Variants in PGAP1 observed in about 807,000 individuals in gnomAD.
PGAP1 encodes the protein GPI inositol-deacylase.
A neutral mutation model predicts 127.0 loss-of-function variants in PGAP1; 76 were observed. That is an observed-to-expected ratio of 0.60 (90% CI 0.50 to 0.72). The LOEUF is 0.72. Ranked by LOEUF, PGAP1 falls within the 30% of genes least tolerant of loss-of-function variation. The pLI, the probability that PGAP1 is intolerant of heterozygous loss-of-function variation, is 0.00. For synonymous variants in PGAP1, 362 were observed against 366.5 expected, an observed-to-expected ratio of 0.99 and a Z score of 0.14; for missense variants, 982 against 1,071.3, an observed-to-expected ratio of 0.92 and a Z score of 1.16.
chr2:196,912,580 T>TAAA lies in PGAP1; in HGVS notation c.649+299_649+301dup, dbSNP rs531959600. On this transcript the variant is annotated intron_variant, in intron 4 of 26. Coordinates refer to ENST00000354764, the MANE Select transcript of PGAP1 (RefSeq NM_024989.4). ...GGGAGAAAGAGCAAGACCCTGTCTTTAAAAAAAAAAAAAAAAAAAAAAAAA... is the reference window on the plus strand; with the variant it reads ...GGGAGAAAGAGCAAGACCCTGTCTTTAAAAAAAAAAAAAAAAAAAAAAAAAAAA... Among the ~76,000 whole-genome samples, 569 of 82,424 alleles carry TAAA rather than the reference T, an allele frequency of 6.9e-3. 11 individuals are homozygous for TAAA. The highest frequency in any genetic ancestry group is 0.023 in the African/African-American group (529 of 22,530). 54.1% of individuals were successfully genotyped at this position (82,424 alleles called of 152,430 possible).
At position 196,912,930 on chromosome 2, in the gene PGAP1, C is replaced by T; in HGVS notation, c.601G>A (p.Ala201Thr). The change falls in exon 4 of 27, where the codon GCC becomes ACC. Residue 201 changes from alanine to threonine, a missense_variant. Ala to Thr is a moderately conservative substitution (Grantham distance 58, BLOSUM62 0). Transcript: ENST00000354764. ...HDLINLLITQ[A>T]TPHVAPVMPL... ...ATCACAGGAGCAACATGAGGTGTGG[C>T]TTGTGTAATAAGAAGATTTATCAGA... The T allele has an allele frequency of 6.2e-7, 1 of 1,613,560 alleles. No homozygotes were observed. The highest frequency in any genetic ancestry group is 8.5e-7 in the Non-Finnish European group (1 of 1,179,816).
intron 20 of PGAP1, among the ~76,000 whole-genome samples, chr2:196,854,025 G>A (rs1199292444): frequency 6.6e-6 from 1 of 150,968 alleles, no homozygotes; most frequent in African/African-American, 2.4e-5. Flanking sequence ...CAAGTGGCTG[G>A]GACTACAGGT....
chr2:196,914,315 G>T (rs1702929932), intron 3 of PGAP1, among the ~76,000 whole-genome samples: 1 of 151,866 alleles, frequency 6.6e-6, no homozygotes, highest in Non-Finnish European at 1.5e-5. Flanking sequence ...TTTCTTTACA[G>T]CAAAACTCTA....
intron 23 of PGAP1, 105 bp downstream of exon 23, chr2:196,845,777 A>T: frequency 2.4e-6 from 2 of 833,534 alleles, no homozygotes; most frequent in Non-Finnish European, 3.5e-6. Flanking sequence ...ACAGAGGGTT[A>T]CTACAGTGTT....
At chr2:196,841,417 T>C (rs369328050) in intron 26 of PGAP1, 45 bp from the exon 27 acceptor site, 1 of 1,442,650 alleles carries the variant, frequency 6.9e-7, no homozygotes, top group Non-Finnish European at 9.5e-7. Flanking sequence ...TGAACTACAT[T>C]GTGAGCCAAA....
intron 20 of PGAP1, among the ~76,000 whole-genome samples, chr2:196,860,268 A>T (rs1232083903): frequency 6.6e-6 from 1 of 152,236 alleles, no homozygotes; most frequent in Non-Finnish European, 1.5e-5. Context: ...GCAGTGGCTC[A>T]TGCCTGTAAT....
rs577609141 is a variant in PGAP1, at chr2:196,904,328, G to A, written c.650-1586C>T. 5.3e-5 allele frequency among the ~76,000 whole-genome samples: 8 copies of A among 152,256 alleles called. No homozygotes were observed. In the South Asian group the frequency reaches 6.2e-4, roughly 12 times the overall value. On this transcript the variant is annotated intron_variant, in intron 4 of 26. Coordinates refer to ENST00000354764, the MANE Select transcript of PGAP1 (RefSeq NM_024989.4). ...AAGCTCTGTCTGTACTTTCAGCAGC[G>A]CTATGCTTGGCCACAACTCAAGCTT...
Position 196,845,906 on chromosome 2 carries a change from A to T in PGAP1, c.2262T>A (p.Leu754=), listed in dbSNP as rs1700544085. ...CCTTAAACACATAGTAAAGATAAGA[A>T]AGAAGTATGGCTAGTGCTCCACAAG... ...WTTCGALAIL[L]SYLYYVFKVV... Residue 754 remains leucine (L), a synonymous_variant, in exon 23 of 27, where the codon CTT becomes CTA. Coordinates refer to ENST00000354764, the MANE Select transcript of PGAP1 (RefSeq NM_024989.4). 1 of 1,608,364 alleles carries T rather than the reference A, an allele frequency of 6.2e-7. No individual in the cohort carries two copies. Among genetic ancestry groups the T allele is most frequent in the Non-Finnish European group, 8.5e-7 (1 of 1,176,868 alleles).
chr2:196,902,543 C>T (rs746026016), intron 5 of PGAP1, 42 bp downstream of exon 5: 21 of 1,523,474 alleles, frequency 1.4e-5, no homozygotes, highest in Non-Finnish European at 1.9e-5. Flanking sequence ...TCCACTGGGT[C>T]TATTACATTA....
chr2:196,916,622 T>G, intron 2 of PGAP1, 29 bp from the exon 3 acceptor site: 1 of 1,555,750 alleles, frequency 6.4e-7, no homozygotes, highest in Non-Finnish European at 8.7e-7. Flanking sequence ...AAGTGCACAT[T>G]AAACAATATT....
intron 20 of PGAP1, among the ~76,000 whole-genome samples, chr2:196,864,390 CAAAAAAAAAAAAAAA>C (rs752788293): frequency 3.1e-5 from 1 of 32,390 alleles, no homozygotes; most frequent in African/African-American, 1.2e-4. Flanking sequence ...AACTACGTCT[CAAAAAAAAAAAAAAA>C]AAAAAAAAAA....
rs1321879542 is a variant in PGAP1 at position 196,862,646 on chromosome 2, TTC to T, written c.1861+2339_1861+2340del. Among the ~76,000 whole-genome samples, 12 of 152,292 alleles carry T rather than the reference TTC, an allele frequency of 7.9e-5. No homozygotes were observed. In the East Asian group the frequency reaches 1.3e-3, roughly 17 times the overall value. On this transcript the variant is annotated intron_variant, in intron 20 of 26. Coordinates refer to ENST00000354764, the MANE Select transcript of PGAP1 (RefSeq NM_024989.4). ...TCTCCCAGACACCCAGCTTTAAAAT[TTC>T]TCTCTTTTGTACTCTGTCCCCTTAT...
chr2:196,868,547 T>C (rs1051770180), intron 19 of PGAP1, among the ~76,000 whole-genome samples: 2 of 152,200 alleles, frequency 1.3e-5, no homozygotes, highest in African/African-American at 4.8e-5. Context: ...ATATTTCATC[T>C]AAAAATTCAG....
At chr2:196,922,450 T>C (rs912809250) in intron 1 of PGAP1, 2 of 982,974 alleles carry the variant, frequency 2.0e-6, no homozygotes, top group African/African-American at 3.5e-5. Context: ...TAAGAATAGT[T>C]ATAGGGGCTC....
At chr2:196,852,550 A>G (rs1436593930) in intron 20 of PGAP1, among the ~76,000 whole-genome samples, 1 of 151,508 alleles carries the variant, frequency 6.6e-6, no homozygotes, top group African/African-American at 2.4e-5. Context: ...TGTATTATTG[A>G]TGAGAAAAAT....
chr2:196,897,477 C>A (rs1383661040), intron 6 of PGAP1, among the ~76,000 whole-genome samples: 2 of 152,198 alleles, frequency 1.3e-5, no homozygotes, highest in East Asian at 3.8e-4. Context: ...GTACTATCTA[C>A]CCCATCTTTA....
At chr2:196,896,350 T>C (rs1329761049) in intron 7 of PGAP1, among the ~76,000 whole-genome samples, 1 of 152,056 alleles carries the variant, frequency 6.6e-6, no homozygotes, top group Non-Finnish European at 1.5e-5. Flanking sequence ...TAAAAAAGCA[T>C]GGTTCAAAAA....
At chr2:196,844,447 C>T (rs1700501642) in intron 24 of PGAP1, 77 bp downstream of exon 24, 2 of 1,037,694 alleles carry the variant, frequency 1.9e-6, no homozygotes, top group South Asian at 1.6e-5. Flanking sequence ...AAATACTAAC[C>T]TTAAAAAAAA....
At chr2:196,854,243 A>AT (rs1335248749) in intron 20 of PGAP1, among the ~76,000 whole-genome samples, 1 of 151,950 alleles carries the variant, frequency 6.6e-6, no homozygotes, top group African/African-American at 2.4e-5. Context: ...TAATTTTCAG[A>AT]TTTTCTAGTT....
Sources: allele counts gnomAD v4.1 joint callset (sites outside exome capture counted in the v4.1 genomes callset), GRCh38; gene constraint gnomAD v4.1.1; transcripts MANE v1.5; gene names NCBI Gene and HGNC (gene_info 2026-07-23, HGNC 2026-07-21).